ZC3H14: variants seen among roughly 807,000 people sequenced by gnomAD.
ZC3H14 encodes zinc finger CCCH-type containing 14, also known as zinc finger CCCH domain-containing protein 14.
Under a neutral mutation model 92.4 loss-of-function variants are expected in ZC3H14, and 31 were observed. That is an observed-to-expected ratio of 0.34 (90% CI 0.25 to 0.45). The LOEUF is 0.45. ZC3H14 is among the 20% of genes least tolerant of loss of function. ZC3H14 has a pLI of 1.00. For missense variants in ZC3H14, 781 were observed against 897.3 expected (o/e 0.87, Z 1.66); for synonymous variants, 321 against 300.9 (o/e 1.07, Z -0.69).
At chr14:88,603,878 TAGACTTCAG>T (rs1426069632) in intron 12 of ZC3H14, among the ~76,000 whole-genome samples, 1 of 152,208 alleles carries the variant, frequency 6.6e-6, no homozygotes, top group South Asian at 2.1e-4. Context: ...AAAAATAGAA[TAGACTTCAG>T]AGGGAAATCA....
chr14:88,576,755 T>C (rs1387966347), intron 8 of ZC3H14, among the ~76,000 whole-genome samples: 1 of 152,138 alleles, frequency 6.6e-6, no homozygotes, highest in African/African-American at 2.4e-5. Flanking sequence ...TGACCCCCCT[T>C]CCTAAAATGA....
chr14:88,609,946 T>C, intron 15 of ZC3H14, 143 bp downstream of exon 15: 1 of 901,988 alleles, frequency 1.1e-6, no homozygotes, highest in East Asian at 2.6e-5. Context: ...TCCTCGTCAC[T>C]GAACCTCCAT....
At position 88,615,778 on chromosome 14, in the gene ZC3H14, C is replaced by A. The variant is rs1229238659; in HGVS notation, c.*4027C>A. On this transcript the variant is annotated 3_prime_UTR_variant, in exon 17 of 17. Transcript: ENST00000251038. The stretch of plus-strand genomic sequence containing the variant: ...GTTTTGGTTTTTCTTCTCTGTAATT[C>A]TGGTCTCAAAGTTAATTTCTGTAGT... The A allele has an allele frequency of 4.4e-6, 7 of 1,597,210 alleles. No individual in the cohort carries two copies. Among genetic ancestry groups the A allele is most frequent in the Admixed American group, 1.7e-5 (1 of 57,552 alleles).
Position 88,613,489 on chromosome 14 carries a change from TAATAA to T in ZC3H14, c.*1743_*1747del, listed in dbSNP as rs1427989500. The T allele has an allele frequency of 6.6e-6, 1 of 152,222 alleles. No homozygotes were observed. The highest frequency in any genetic ancestry group is 1.5e-5 in the Non-Finnish European group (1 of 67,996). The allele number at this position is 152,222 out of a possible 1,614,324, so 9.4% of individuals were successfully genotyped here. On this transcript the variant is annotated 3_prime_UTR_variant, in exon 17 of 17. Transcript: ENST00000251038. ...TTAGTTCAGCCATTTTACAAGGAAA[TAATAA>T]AATACTAAAATCTGATTGTTTTTTG...
rs1399245313 is a variant in ZC3H14 at position 88,615,971 on chromosome 14, C to G, written c.*4220C>G. ...TGTGTAATATTTTTCCTCTTTAACT[C>G]CTTTTATTCTGTATTTGCATAAATA... On this transcript the variant is annotated 3_prime_UTR_variant, in exon 17 of 17. Transcript: ENST00000251038. 3 of 1,307,130 alleles carry G rather than the reference C, an allele frequency of 2.3e-6. No individual in the cohort carries two copies. The highest frequency in any genetic ancestry group is 1.5e-5 in the African/African-American group (1 of 67,830). The allele number at this position is 1,307,130 out of a possible 1,614,324, so 81.0% of individuals were successfully genotyped here. A position where few individuals can be genotyped will look rare whatever the true frequency, so the allele number is the denominator to read the frequency against.
At chr14:88,597,890 G>A (rs1184510381) in intron 10 of ZC3H14, among the ~76,000 whole-genome samples, 1 of 152,226 alleles carries the variant, frequency 6.6e-6, no homozygotes, top group Non-Finnish European at 1.5e-5. Context: ...GAAATAGCAA[G>A]TAGTTCTGTG....
At chr14:88,571,026 TTGAAA>T (rs1270917237) in intron 3 of ZC3H14, 53 bp from the exon 4 acceptor site, 159 of 1,372,038 alleles carry the variant, frequency 1.2e-4, no homozygotes, top group Admixed American at 5.4e-4. Flanking sequence ...AGAGTGACAG[TTGAAA>T]TGAAATCTTT....
Position 88,615,805 on chromosome 14 carries a change from AT to A in ZC3H14, c.*4055del, listed in dbSNP as rs2087512330. The A allele has an allele frequency of 6.2e-7, 1 of 1,609,598 alleles. No homozygotes were observed. The highest frequency in any genetic ancestry group is 1.3e-5 in the African/African-American group (1 of 75,014). On this transcript the variant is annotated 3_prime_UTR_variant, in exon 17 of 17. Transcript: ENST00000251038. ...GGTCTCAAAGTTAATTTCTGTAGTC[AT>A]CTCAGCATCTCTCAGTGAGGTGTAT... is the stretch of plus-strand genomic sequence containing the variant.
chr14:88,620,934 TAA>T lies in ZC3H14; in HGVS notation c.*9199_*9200del, dbSNP rs35953031. 25,866 of 1,320,434 alleles carry T rather than the reference TAA, an allele frequency of 0.02. No homozygotes were observed. The highest frequency in any genetic ancestry group is 0.049 in the South Asian group (2,924 of 59,562). 81.8% of individuals were successfully genotyped at this position (1,320,434 alleles called of 1,614,324 possible). A position where few individuals can be genotyped will look rare whatever the true frequency, so the allele number is the denominator to read the frequency against. On this transcript the variant is annotated 3_prime_UTR_variant, in exon 17 of 17. Coordinates refer to ENST00000251038, the MANE Select transcript of ZC3H14 (RefSeq NM_024824.5). The surrounding 1 kb of genome is among the most constrained non-coding windows in gnomAD (Gnocchi z 4.3). ...CACTTTGTTTAACATCTTCTGCATT[TAA>T]AAAAAAAAAAAAAAAGAGTCATAGG...
In ZC3H14 at chr14:88,594,756, A is replaced by G. The variant is rs749785897; in HGVS notation, c.1280-1978A>G. Reference sequence around the variant, plus strand: ...GAATGTCTTCAAAGTTTCCATCACCACCTCTACCAATTTTTCTTCCACCGG... The same window carrying G: ...GAATGTCTTCAAAGTTTCCATCACCGCCTCTACCAATTTTTCTTCCACCGG... On this transcript the variant is annotated intron_variant, in intron 9 of 16. Coordinates refer to ENST00000251038, the MANE Select transcript of ZC3H14 (RefSeq NM_024824.5). 4 of 1,613,938 alleles carry G rather than the reference A, an allele frequency of 2.5e-6. No homozygotes were observed. In the South Asian group the frequency reaches 4.4e-5, roughly 18 times the overall value.
intron 2 of ZC3H14, among the ~76,000 whole-genome samples, chr14:88,565,949 C>T (rs2139455769): frequency 6.8e-6 from 1 of 147,484 alleles, no homozygotes; most frequent in East Asian, 2.0e-4. Context: ...CTCACTGCAA[C>T]CTCCGCCTCC....
At position 88,627,528 on chromosome 14, in the gene ZC3H14, T is replaced by A; in HGVS notation, c.*15777T>A. ...GTACCACTGTGTACAGTATATTGCA[T>A]AGGCCTCCACTGAATGATTGTTTCA... On this transcript the variant is annotated 3_prime_UTR_variant, in exon 17 of 17. Coordinates refer to ENST00000251038, the MANE Select transcript of ZC3H14 (RefSeq NM_024824.5). 9.2e-6 allele frequency: 9 copies of A among 983,468 alleles called. No individual in the cohort carries two copies. Among genetic ancestry groups the A allele is most frequent in the Non-Finnish European group, 1.3e-5 (9 of 682,546 alleles). The allele number at this position is 983,468 out of a possible 1,614,324, so 60.9% of individuals were successfully genotyped here.
intron 9 of ZC3H14, among the ~76,000 whole-genome samples, chr14:88,582,171 A>C (rs1348178451): frequency 6.6e-6 from 1 of 152,268 alleles, no homozygotes; most frequent in African/African-American, 2.4e-5. Context: ...TCAGCTGATA[A>C]GAGAACAAGA....
At chr14:88,594,988 A>G in intron 9 of ZC3H14, 1 of 1,613,988 alleles carries the variant, frequency 6.2e-7, no homozygotes, top group Non-Finnish European at 8.5e-7. Flanking sequence ...GGAGGTTAAA[A>G]TGAATGAATA....
chr14:88,581,278 G>T (rs138017463), intron 9 of ZC3H14, among the ~76,000 whole-genome samples: 1 of 152,310 alleles, frequency 6.6e-6, no homozygotes, highest in East Asian at 1.9e-4. Flanking sequence ...GGCTTCTTGG[G>T]CTGGGTGCAG....
intron 9 of ZC3H14, among the ~76,000 whole-genome samples, chr14:88,588,303 A>G (rs1402987829): frequency 6.6e-6 from 1 of 152,064 alleles, no homozygotes; most frequent in East Asian, 1.9e-4. Context: ...TTCTCAGTGC[A>G]TTTCTCCGTT....
At chr14:88,610,693 A>T in intron 15 of ZC3H14, 141 bp from the exon 16 acceptor site, 1 of 776,316 alleles carries the variant, frequency 1.3e-6, no homozygotes, top group Non-Finnish European at 2.2e-6. Context: ...AGTCCCAGCT[A>T]CTCGGGAGAC....
chr14:88,602,678 A>G, intron 11 of ZC3H14, 150 bp from the exon 12 acceptor site: 1 of 761,722 alleles, frequency 1.3e-6, no homozygotes, highest in African/African-American at 1.7e-5. Context: ...AGAACCCACC[A>G]GTGCTGCACC....
chr14:88,574,891 C>G (rs1253778779), intron 7 of ZC3H14, 38 bp downstream of exon 7: 7 of 1,613,310 alleles, frequency 4.3e-6, no homozygotes, highest in Non-Finnish European at 5.9e-6. Flanking sequence ...CTTTAACTGC[C>G]TTGGTGGAGT....
Sources: gnomAD v4.1 joint callset for allele counts (sites outside exome capture counted in the v4.1 genomes callset) on GRCh38, gnomAD v4.1.1 for gene constraint, Gnocchi (gnomAD v3.1) non-coding constraint, MANE v1.5 for transcripts, NCBI Gene and HGNC (gene_info 2026-07-23, HGNC 2026-07-21) for gene names.